Variants in CATSPERD observed in about 807,000 individuals in gnomAD.
CATSPERD encodes the protein cation channel sperm-associated auxiliary subunit delta.
CATSPERD carries 86 observed loss-of-function variants against 98.1 expected under a neutral mutation model. The observed-to-expected ratio is 0.88, with a 90% CI of 0.74 to 1.05. CATSPERD has a LOEUF of 1.05. Among genes scored for constraint, CATSPERD ranks in the 50% least tolerant of loss-of-function variants. The pLI is 0.00. For synonymous variants in CATSPERD, 394 were observed against 390.2 expected (o/e 1.01, Z -0.12); for missense variants, 995 against 1,005.7 (o/e 0.99, Z 0.14).
At chr19:5,734,176 A>G (rs893021925) in intron 5 of CATSPERD, among the ~76,000 whole-genome samples, 3 of 152,180 alleles carry the variant, frequency 2.0e-5, no homozygotes, top group Non-Finnish European at 4.4e-5. Flanking sequence ...TGTAGTCACA[A>G]GCCACAAAAG....
chr19:5,726,243 G>A (rs1187499299), intron 2 of CATSPERD, among the ~76,000 whole-genome samples: 1 of 151,362 alleles, frequency 6.6e-6, no homozygotes, highest in Non-Finnish European at 1.5e-5. Flanking sequence ...TGTATTTTTA[G>A]TAGAGACGGG....
At chr19:5,771,849 G>A (rs919065858) in intron 19 of CATSPERD, among the ~76,000 whole-genome samples, 6 of 152,078 alleles carry the variant, frequency 3.9e-5, no homozygotes, top group South Asian at 2.1e-4. Flanking sequence ...GATAACAGGC[G>A]TGAGCCACCA....
At chr19:5,760,073 C>CAAAAAAA (rs60075484) in intron 15 of CATSPERD, among the ~76,000 whole-genome samples, 1 of 48,502 alleles carries the variant, frequency 2.1e-5, no homozygotes, top group Admixed American at 3.5e-4. Context: ...GACTCCATCT[C>CAAAAAAA]AAAAAAAAAA....
At chr19:5,751,358 A>G (rs553364713) in intron 11 of CATSPERD, among the ~76,000 whole-genome samples, 1 of 150,314 alleles carries the variant, frequency 6.7e-6, no homozygotes, top group Non-Finnish European at 1.5e-5. Context: ...CCCTGTCCCT[A>G]CTAAAAAATA....
intron 12 of CATSPERD, among the ~76,000 whole-genome samples, chr19:5,752,414 C>T (rs1376808933): frequency 1.3e-5 from 2 of 152,046 alleles, no homozygotes; most frequent in African/African-American, 4.8e-5. Context: ...TTCGAGGCTG[C>T]AGTGAGCTAT....
At chr19:5,770,622 A>G (rs972674251) in intron 18 of CATSPERD, among the ~76,000 whole-genome samples, 2 of 151,798 alleles carry the variant, frequency 1.3e-5, no homozygotes, top group African/African-American at 2.4e-5. Context: ...CTCTACAAAA[A>G]TTTAAAATAT....
At chr19:5,729,765 AC>A (rs1290452379) in intron 3 of CATSPERD, 106 bp from the exon 4 acceptor site, 6 of 647,890 alleles carry the variant, frequency 9.3e-6, no homozygotes, top group Non-Finnish European at 1.4e-5. Flanking sequence ...ACTCCTGGTT[AC>A]AATACAAATT....
rs1290748504 is a variant in CATSPERD at position 5,733,365 on chromosome 19, TTCCTTCCTTCCCTCCCTCTCTGCC to T, written c.277-479_277-456del. Among the ~76,000 whole-genome samples the T allele has an allele frequency of 4.0e-5, 5 of 123,954 alleles. No individual in the cohort carries two copies. In the South Asian group the frequency reaches 1.1e-3, roughly 27 times the overall value. 81.3% of individuals were successfully genotyped at this position (123,954 alleles called of 152,430 possible). ...CTTTCTTTCTTCCTTCCTTCCCTCC[TTCCTTCCTTCCCTCCCTCTCTGCC>T]TCCTTCCTTCCTTTCTTCTCCTTCC... On this transcript the variant is annotated intron_variant, in intron 4 of 21. Coordinates refer to ENST00000381624, the MANE Select transcript of CATSPERD (RefSeq NM_152784.4).
At chr19:5,733,780 T>C (rs1394097840) in intron 4 of CATSPERD, 76 bp from the exon 5 acceptor site, 6 of 1,025,134 alleles carry the variant, frequency 5.9e-6, no homozygotes, top group Admixed American at 2.3e-5. Flanking sequence ...TTTCAATGCA[T>C]GTCTAGAAGT....
In CATSPERD at chr19:5,745,961, T is replaced by C. The variant is rs2056085099; in HGVS notation, c.706T>C (p.Ser236Pro). ...DHPLNRSFGLSFDYNGTLDIL... is the reference protein window; with the variant it reads ...DHPLNRSFGLPFDYNGTLDIL... ...CCCCCTCAACCGGAGTTTCGGGCTG[T>C]CTTTTGACTATAATGGGACTCTAGA... Residue 236 changes from serine (S) to proline (P), a missense_variant, in exon 9 of 22, where the codon TCT becomes CCT. Coordinates refer to ENST00000381624, the MANE Select transcript of CATSPERD (RefSeq NM_152784.4). 1.2e-6 allele frequency: 2 copies of C among 1,613,992 alleles called. No individual in the cohort carries two copies. Among genetic ancestry groups the C allele is most frequent in the South Asian group, 2.2e-5 (2 of 91,078 alleles).
intron 1 of CATSPERD, among the ~76,000 whole-genome samples, chr19:5,723,801 A>T (rs1599500465): frequency 7.8e-6 from 1 of 128,544 alleles, no homozygotes. Flanking sequence ...TTTGAGATGG[A>T]GTTTCACTCT....
chr19:5,744,296 C>T, intron 7 of CATSPERD, 131 bp from the exon 8 acceptor site: 1 of 758,306 alleles, frequency 1.3e-6, no homozygotes, highest in Non-Finnish European at 2.2e-6. Flanking sequence ...CATATTTCCA[C>T]AGAGGGCATT....
chr19:5,727,545 A>T (rs2055628850), intron 3 of CATSPERD, among the ~76,000 whole-genome samples: 1 of 152,134 alleles, frequency 6.6e-6, no homozygotes, highest in African/African-American at 2.4e-5. Flanking sequence ...CAACTGCAGT[A>T]TAGTGTGGTA....
intron 13 of CATSPERD, among the ~76,000 whole-genome samples, chr19:5,755,199 C>T (rs150159223): frequency 0.012 from 1,888 of 152,096 alleles, 19 homozygotes; most frequent in Non-Finnish European, 0.017. Context: ...AGAGCCCTGA[C>T]CCCTATGGCC....
chr19:5,740,847 G>A (rs1232452871), intron 7 of CATSPERD, among the ~76,000 whole-genome samples: 4 of 151,800 alleles, frequency 2.6e-5, no homozygotes, highest in African/African-American at 9.7e-5. Context: ...CACTTTGGGA[G>A]GCTGAAGCAG....
chr19:5,751,480 A>G lies in CATSPERD; in HGVS notation c.988-167A>G, dbSNP rs535072394. Among the ~76,000 whole-genome samples, 48 of 129,188 alleles carry G rather than the reference A, an allele frequency of 3.7e-4. 1 individual carries two copies. The highest frequency in any genetic ancestry group is 1.6e-3 in the Admixed American group (18 of 11,146). The allele number at this position is 129,188 out of a possible 152,430, so 84.8% of individuals were successfully genotyped here. A position where few individuals can be genotyped will look rare whatever the true frequency, so the allele number is the denominator to read the frequency against. ...ACCCGGGAGGCGGAGCTTGCAGTGAACCGAGATGGCGCCACTGCACTCCAG... is the reference window on the plus strand; with the variant it reads ...ACCCGGGAGGCGGAGCTTGCAGTGAGCCGAGATGGCGCCACTGCACTCCAG... On this transcript the variant is annotated intron_variant, in intron 11 of 21. Transcript: ENST00000381624.
At chr19:5,729,978 A>C (rs760721763) in intron 4 of CATSPERD, 34 bp downstream of exon 4, 17 of 1,180,988 alleles carry the variant, frequency 1.4e-5, no homozygotes, top group Non-Finnish European at 2.0e-5. Flanking sequence ...GAAGGATGCT[A>C]GTATAAGTAA....
intron 10 of CATSPERD, 130 bp downstream of exon 10, chr19:5,748,385 C>A: frequency 1.3e-6 from 1 of 789,296 alleles, no homozygotes; most frequent in Non-Finnish European, 2.1e-6. Flanking sequence ...AATTCCAGCA[C>A]TTTGGGAGGC....
chr19:5,738,279 C>T (rs2145724770), intron 6 of CATSPERD, among the ~76,000 whole-genome samples: 1 of 149,324 alleles, frequency 6.7e-6, no homozygotes, highest in Non-Finnish European at 1.5e-5. Context: ...TGCTGGCAGT[C>T]ACCTGTAATC....
Sources: gnomAD v4.1 joint callset for allele counts (sites outside exome capture counted in the v4.1 genomes callset) on GRCh38, gnomAD v4.1.1 for gene constraint, MANE v1.5 for transcripts, NCBI Gene and HGNC (gene_info 2026-07-23, HGNC 2026-07-21) for gene names.